ATP13A5: variants seen among roughly 807,000 people sequenced by gnomAD.
ATP13A5 encodes the protein ATPase 13A5.
A neutral mutation model predicts 150.2 loss-of-function variants in ATP13A5; 149 were observed. The ratio of observed to expected loss-of-function variants is 0.99; its 90% CI spans 0.87 to 1.14. ATP13A5 has a LOEUF of 1.14. ATP13A5 is among the 50% of genes most tolerant of loss of function. The pLI is 0.00. For synonymous variants in ATP13A5, 497 were observed against 522.2 expected (o/e 0.95, Z 0.66); for missense variants, 1,383 against 1,449.3 (o/e 0.95, Z 0.74).
chr3:193,274,890 T>G lies in ATP13A5; in HGVS notation c.*152A>C. ...ACAGTCAGAATAAGCCTATCTAAGGTCCCTTGCTGCAAGGTTTAATTCATT... is the reference window on the plus strand; with the variant it reads ...ACAGTCAGAATAAGCCTATCTAAGGGCCCTTGCTGCAAGGTTTAATTCATT... On this transcript the variant is annotated 3_prime_UTR_variant, in exon 30 of 30. Transcript: ENST00000342358. 9.3e-7 allele frequency: 1 copy of G among 1,079,074 alleles called. No homozygotes were observed. The highest frequency in any genetic ancestry group is 1.3e-6 in the Non-Finnish European group (1 of 741,580). 66.8% of individuals were successfully genotyped at this position (1,079,074 alleles called of 1,614,324 possible).
Position 193,334,371 on chromosome 3 carries a change from G to A in ATP13A5, c.1115-464C>T, listed in dbSNP as rs377375382. ...CAGGAAGTGTTTGCGGAATCATCCA[G>A]ATTTGGTGCCACATTTGGTATGGGA... On this transcript the variant is annotated intron_variant, in intron 10 of 29. Transcript: ENST00000342358. 4.3e-4 allele frequency among the ~76,000 whole-genome samples: 65 copies of A among 152,262 alleles called. 2 individuals carry two copies. The South Asian group carries it at 0.013, about 30-fold the overall frequency.
In ATP13A5 at chr3:193,314,086, C is replaced by A; in HGVS notation, c.2266G>T (p.Ala756Ser). The A allele has an allele frequency of 6.2e-7, 1 of 1,613,854 alleles. No individual in the cohort carries two copies. Among genetic ancestry groups the A allele is most frequent in the African/African-American group, 1.3e-5 (1 of 75,022 alleles). The change falls in exon 19 of 30, where the codon GCC becomes TCC. Residue 756 changes from alanine to serine, a missense_variant. Physicochemically the swap from Ala to Ser is moderately conservative, Grantham distance 99. Around this residue, in one of 3 missense-constraint regions of ATP13A5, gnomAD observed 568 missense variants for 621.5 expected, o/e 0.91. Transcript: ENST00000342358. ...TCCACCAGCTGCCAGGTCACAGAGG[C>A]AGGAACAAATTCTTCTGGTTCATCG... is the stretch of plus-strand genomic sequence containing the variant. ...EADEPEEFVP[A>S]SVTWQLVENQ...
intron 25 of ATP13A5, among the ~76,000 whole-genome samples, chr3:193,298,202 A>G (rs1718249747): frequency 6.6e-6 from 1 of 152,090 alleles, no homozygotes; most frequent in Non-Finnish European, 1.5e-5. Flanking sequence ...TCTTTTTAGT[A>G]TCATTCACAA....
At position 193,307,535 on chromosome 3, in the gene ATP13A5, G is replaced by A. The variant is rs1718665813; in HGVS notation, c.2526-166C>T. Reference sequence around the variant, plus strand: ...AATGGTTTGGAGAGACATATTCCCAGAGGGAAAAGGCAGTTGCGTTATTTA... The same window carrying A: ...AATGGTTTGGAGAGACATATTCCCAAAGGGAAAAGGCAGTTGCGTTATTTA... On this transcript the variant is annotated intron_variant, in intron 21 of 29. Transcript: ENST00000342358. 6.6e-6 allele frequency: 5 copies of A among 756,442 alleles called. No individual in the cohort carries two copies. In the Admixed American group the frequency reaches 9.0e-5, roughly 14 times the overall value. The allele number at this position is 756,442 out of a possible 1,614,324, so 46.9% of individuals were successfully genotyped here. A position where few individuals can be genotyped will look rare whatever the true frequency, so the allele number is the denominator to read the frequency against.
At chr3:193,337,266 C>T (rs1711914651) in intron 9 of ATP13A5, among the ~76,000 whole-genome samples, 1 of 152,088 alleles carries the variant, frequency 6.6e-6, no homozygotes, top group South Asian at 2.1e-4. Flanking sequence ...TCAATTTTGG[C>T]TTTTGTTGCC....
chr3:193,309,017 T>G (rs933288692), intron 21 of ATP13A5, among the ~76,000 whole-genome samples: 1 of 152,160 alleles, frequency 6.6e-6, no homozygotes, highest in Non-Finnish European at 1.5e-5. Context: ...AAAGGGTGTC[T>G]CCTGATTTCA....
At chr3:193,323,589 C>A (rs549556379) in intron 14 of ATP13A5, 1 of 152,306 alleles carries the variant, frequency 6.6e-6, no homozygotes, top group Non-Finnish European at 1.5e-5. Context: ...TATAAAATGA[C>A]CCTGCACAAC....
intron 25 of ATP13A5, among the ~76,000 whole-genome samples, chr3:193,297,745 C>T (rs563346770): frequency 7.2e-5 from 11 of 152,158 alleles, no homozygotes; most frequent in Admixed American, 2.6e-4. Context: ...GCATGAGGCT[C>T]AACAGGCTAT....
intron 25 of ATP13A5, 96 bp downstream of exon 25, chr3:193,299,035 G>A (rs1270811678): frequency 1.1e-6 from 1 of 934,952 alleles, no homozygotes; most frequent in Non-Finnish European, 1.6e-6. Flanking sequence ...TTGGAAATAA[G>A]GGTGCCTCTT....
intron 29 of ATP13A5, among the ~76,000 whole-genome samples, chr3:193,275,543 G>A (rs1717155580): frequency 6.6e-6 from 1 of 152,152 alleles, no homozygotes; most frequent in Non-Finnish European, 1.5e-5. Flanking sequence ...TCCTGGTTAA[G>A]TCCTGGCTAG....
rs560212954 is a variant in ATP13A5 at position 193,308,331 on chromosome 3, C to T, written c.2526-962G>A. 2.0e-5 allele frequency among the ~76,000 whole-genome samples: 3 copies of T among 152,122 alleles called. No individual in the cohort carries two copies. The South Asian group carries it at 6.2e-4, about 32-fold the overall frequency. ...AAAATCAGCTGGGCATGGTGGTGTGCTCCTGTAATCTCAGCTACTTGGGAG... is the reference window on the plus strand; with the variant it reads ...AAAATCAGCTGGGCATGGTGGTGTGTTCCTGTAATCTCAGCTACTTGGGAG... On this transcript the variant is annotated intron_variant, in intron 21 of 29. Coordinates refer to ENST00000342358, the MANE Select transcript of ATP13A5 (RefSeq NM_198505.4).
At chr3:193,295,793 C>T (rs1211458949) in intron 25 of ATP13A5, among the ~76,000 whole-genome samples, 1 of 152,134 alleles carries the variant, frequency 6.6e-6, no homozygotes, top group Non-Finnish European at 1.5e-5. Context: ...GTTCCTGCCT[C>T]ATTCGCTGCA....
intron 23 of ATP13A5, among the ~76,000 whole-genome samples, chr3:193,304,860 T>C (rs528218115): frequency 1.3e-5 from 2 of 152,164 alleles, no homozygotes; most frequent in South Asian, 4.1e-4. Context: ...TCAGGAAACT[T>C]ACAAAGATGG....
At chr3:193,338,444 G>A (rs1454156938) in intron 9 of ATP13A5, among the ~76,000 whole-genome samples, 1 of 152,132 alleles carries the variant, frequency 6.6e-6, no homozygotes, top group African/African-American at 2.4e-5. Context: ...TAGCATGAAG[G>A]GCTGTTGAAT....
At chr3:193,353,454 T>C (rs1712646898) in intron 6 of ATP13A5, among the ~76,000 whole-genome samples, 1 of 152,162 alleles carries the variant, frequency 6.6e-6, no homozygotes, top group Non-Finnish European at 1.5e-5. Context: ...AGAATACATT[T>C]CAAATCCTCA....
At chr3:193,338,534 T>C (rs539234102) in intron 9 of ATP13A5, among the ~76,000 whole-genome samples, 16 of 152,342 alleles carry the variant, frequency 1.1e-4, no homozygotes, top group African/African-American at 3.8e-4. Context: ...CTGGATTACA[T>C]TTATTGATTT....
intron 6 of ATP13A5, among the ~76,000 whole-genome samples, chr3:193,352,028 G>A (rs1479613523): frequency 2.6e-5 from 4 of 152,166 alleles, no homozygotes; most frequent in Admixed American, 1.3e-4. Context: ...GCAAAGCAAG[G>A]ATTATTTTTC....
At chr3:193,301,540 T>TTATG (rs1718395496) in intron 23 of ATP13A5, among the ~76,000 whole-genome samples, 1 of 152,228 alleles carries the variant, frequency 6.6e-6, no homozygotes, top group Non-Finnish European at 1.5e-5. Flanking sequence ...AGTACCAGCA[T>TTATG]TATGCTAAGA....
chr3:193,325,132 G>T, intron 13 of ATP13A5, 118 bp from the exon 14 acceptor site: 1 of 924,908 alleles, frequency 1.1e-6, no homozygotes, highest in Non-Finnish European at 1.6e-6. Context: ...CCTTCCCATG[G>T]CTCCCTATGC....
Sources: gnomAD v4.1 joint callset for allele counts (sites outside exome capture counted in the v4.1 genomes callset) on GRCh38, gnomAD v4.1.1 for gene constraint, gnomAD v4.1.1 regional missense constraint, MANE v1.5 for transcripts, NCBI Gene and HGNC (gene_info 2026-07-23, HGNC 2026-07-21) for gene names.